Variants in UBAP1 observed in about 807,000 individuals in gnomAD.
The protein encoded by UBAP1 is ubiquitin associated protein 1, also known as ubiquitin-associated protein 1.
In UBAP1, 5 loss-of-function variants were observed where a neutral mutation model predicts 39.0. The ratio of observed to expected loss-of-function variants is 0.13; its 90% CI spans 0.07 to 0.27. UBAP1 has a LOEUF of 0.27. Among genes scored for constraint, UBAP1 ranks in the 10% least tolerant of loss-of-function variants. The pLI is 1.00. For synonymous variants in UBAP1, 211 were observed against 225.1 expected, an observed-to-expected ratio of 0.94 and a Z score of 0.56; for missense variants, 490 against 608.1, an observed-to-expected ratio of 0.81 and a Z score of 2.04.
chr9:34,197,503 T>C (rs1831134940), intron 1 of UBAP1, among the ~76,000 whole-genome samples: 1 of 152,032 alleles, frequency 6.6e-6, no homozygotes, highest in African/African-American at 2.4e-5. Context: ...TTTAGGGTTG[T>C]TTTTTGGCAT....
At chr9:34,224,084 G>T in intron 2 of UBAP1, 2 of 684,790 alleles carry the variant, frequency 2.9e-6, no homozygotes, top group African/African-American at 1.8e-5. Context: ...CGGCCTTGAA[G>T]TGATGCACGC....
intron 1 of UBAP1, among the ~76,000 whole-genome samples, chr9:34,212,428 T>TACACACACACAC (rs1491134084): frequency 6.6e-5 from 4 of 60,264 alleles, no homozygotes; most frequent in Middle Eastern, 8.2e-3. Flanking sequence ...CACACACACT[T>TACACACACACAC]ATAGTTATTT....
At chr9:34,211,758 T>C (rs1453654614) in intron 1 of UBAP1, among the ~76,000 whole-genome samples, 2 of 152,204 alleles carry the variant, frequency 1.3e-5, no homozygotes, top group Non-Finnish European at 2.9e-5. Flanking sequence ...TCTCTTCTTC[T>C]TTCATTCTGG....
At chr9:34,184,099 A>G (rs1347597030) in intron 1 of UBAP1, among the ~76,000 whole-genome samples, 4 of 152,086 alleles carry the variant, frequency 2.6e-5, no homozygotes, top group Non-Finnish European at 5.9e-5. Context: ...AGTATGTTCA[A>G]TTAGAAAAAA....
intron 3 of UBAP1, among the ~76,000 whole-genome samples, chr9:34,236,161 A>G (rs146718342): frequency 6.6e-6 from 1 of 152,130 alleles, no homozygotes; most frequent in African/African-American, 2.4e-5. Context: ...CACCCAGCCT[A>G]TTTTTAATCT....
At chr9:34,198,379 G>A (rs1831179335) in intron 1 of UBAP1, among the ~76,000 whole-genome samples, 4 of 152,182 alleles carry the variant, frequency 2.6e-5, no homozygotes. Flanking sequence ...AGGTTAGACG[G>A]GTTCTGTGGC....
In UBAP1 at chr9:34,219,455, G is replaced by C. The variant is rs557200231; in HGVS notation, c.-7-1453G>C. Among the ~76,000 whole-genome samples, 9 of 152,132 alleles carry C rather than the reference G, an allele frequency of 5.9e-5. No individual in the cohort carries two copies. In the South Asian group the frequency reaches 1.9e-3, roughly 32 times the overall value. ...AAATTAATAGATGTTACCATATAAC[G>C]TTCAGAAATACAAATATTTTATGAA... is the stretch of plus-strand genomic sequence containing the variant. On this transcript the variant is annotated intron_variant, in intron 1 of 6. Transcript: ENST00000297661.
At chr9:34,227,963 C>A (rs1833189858) in intron 2 of UBAP1, among the ~76,000 whole-genome samples, 1 of 151,462 alleles carries the variant, frequency 6.6e-6, no homozygotes, top group African/African-American at 2.4e-5. Context: ...CTCAGCTCTA[C>A]AAAAAAATTT....
At chr9:34,225,706 G>A (rs1833009590) in intron 2 of UBAP1, among the ~76,000 whole-genome samples, 1 of 149,234 alleles carries the variant, frequency 6.7e-6, no homozygotes, top group Non-Finnish European at 1.5e-5. Flanking sequence ...CGTGAACCCA[G>A]GAGGAAGAGC....
At chr9:34,194,862 C>CA (rs1441976993) in intron 1 of UBAP1, among the ~76,000 whole-genome samples, 1 of 152,104 alleles carries the variant, frequency 6.6e-6, no homozygotes, top group African/African-American at 2.4e-5. Flanking sequence ...ACTTTAGTAA[C>CA]ACTGCTTTGA....
At chr9:34,209,133 T>G (rs968137630) in intron 1 of UBAP1, among the ~76,000 whole-genome samples, 2 of 152,090 alleles carry the variant, frequency 1.3e-5, no homozygotes, top group African/African-American at 2.4e-5. Context: ...AGATGGAGTT[T>G]CACCATGTTG....
intron 1 of UBAP1, among the ~76,000 whole-genome samples, chr9:34,202,339 T>C (rs1283671506): frequency 6.6e-6 from 1 of 151,928 alleles, no homozygotes; most frequent in Non-Finnish European, 1.5e-5. Context: ...ACCATGTTGG[T>C]AAGGCTGGTC....
intron 3 of UBAP1, among the ~76,000 whole-genome samples, chr9:34,235,471 T>G (rs957151562): frequency 2.0e-5 from 3 of 152,062 alleles, no homozygotes; most frequent in Non-Finnish European, 4.4e-5. Flanking sequence ...CCCGAGTAGC[T>G]GGGACTACAG....
intron 4 of UBAP1, among the ~76,000 whole-genome samples, chr9:34,247,463 C>G (rs1834239534): frequency 6.6e-6 from 1 of 151,978 alleles, no homozygotes. Context: ...CTCGCTGTGT[C>G]AACCAGGCTG....
In UBAP1 at chr9:34,234,312, A is replaced by C; in HGVS notation, c.131A>C (p.Asp44Ala). 6.2e-7 allele frequency: 1 copy of C among 1,607,904 alleles called. No individual in the cohort carries two copies. Among genetic ancestry groups the C allele is most frequent in the Non-Finnish European group, 8.5e-7 (1 of 1,178,708 alleles). ...VGLPIGFSLP[D>A]CLQVVREVQY... ...CTACCTATTGGCTTCTCCTTGCCTG[A>C]TTGTTTGCAGGTTGTCAGAGAAGTA... The change falls in exon 3 of 7, where the codon GAT (aspartate) becomes GCT (alanine). Residue 44 changes from aspartate (D) to alanine (A), a missense_variant. Asp to Ala is a moderately radical substitution (Grantham distance 126). Around this residue, in one of 3 missense-constraint regions of UBAP1, gnomAD observed 144 missense variants for 184.4 expected, o/e 0.78. Transcript: ENST00000297661.
chr9:34,205,255 G>A (rs1831621282), intron 1 of UBAP1, among the ~76,000 whole-genome samples: 1 of 152,132 alleles, frequency 6.6e-6, no homozygotes, highest in African/African-American at 2.4e-5. Context: ...GGGCTCAAGT[G>A]ATCTTCCAGT....
intron 1 of UBAP1, among the ~76,000 whole-genome samples, chr9:34,198,172 C>A (rs1831168477): frequency 6.6e-6 from 1 of 152,162 alleles, no homozygotes. Flanking sequence ...TTAGGCCAGG[C>A]TGCTCTGTGA....
Position 34,251,648 on chromosome 9 carries a change from G to C in UBAP1, c.*116G>C. 1 of 1,220,666 alleles carries C rather than the reference G, an allele frequency of 8.2e-7. No homozygotes were observed. The highest frequency in any genetic ancestry group is 1.1e-6 in the Non-Finnish European group (1 of 894,866). 75.6% of individuals were successfully genotyped at this position (1,220,666 alleles called of 1,614,324 possible). On this transcript the variant is annotated 3_prime_UTR_variant, in exon 7 of 7. Transcript: ENST00000297661. ...CGGATTTTCTTTTGGGGGTTAGAAG[G>C]TCAGGTGTGGAGACTGCTCGCCAGT...
chr9:34,192,439 C>T (rs1199170561), intron 1 of UBAP1, among the ~76,000 whole-genome samples: 1 of 148,490 alleles, frequency 6.7e-6, no homozygotes, highest in Non-Finnish European at 1.5e-5. Flanking sequence ...CACTTGAACC[C>T]GGGAGGTGGA....
Sources: allele counts gnomAD v4.1 joint callset (sites outside exome capture counted in the v4.1 genomes callset), GRCh38; gene constraint gnomAD v4.1.1; regional missense constraint gnomAD v4.1.1; transcripts MANE v1.5; gene names NCBI Gene and HGNC (gene_info 2026-07-23, HGNC 2026-07-21).